Variants in TRPM3 observed in about 807,000 individuals in gnomAD.
The protein encoded by TRPM3 is transient receptor potential cation channel subfamily M member 3.
Under a neutral mutation model 181.2 loss-of-function variants are expected in TRPM3, and 77 were observed. The ratio of observed to expected loss-of-function variants is 0.42; its 90% CI spans 0.35 to 0.51. TRPM3 has a LOEUF of 0.51. Ranked by LOEUF, TRPM3 falls within the 20% of genes least tolerant of loss-of-function variation. The pLI, the probability that TRPM3 is intolerant of heterozygous loss-of-function variation, is 0.01. For missense variants in TRPM3, 1,759 were observed against 2,196.7 expected, an observed-to-expected ratio of 0.80 and a Z score of 3.98; for synonymous variants, 745 against 796.4, an observed-to-expected ratio of 0.94 and a Z score of 1.09.
At chr9:71,186,010 C>G (rs1181348366) in intron 1 of TRPM3, among the ~76,000 whole-genome samples, 2 of 152,014 alleles carry the variant, frequency 1.3e-5, no homozygotes, top group African/African-American at 4.8e-5. Context: ...TTCTTTGCCT[C>G]TTCCTAGCAT....
At chr9:70,888,362 G>GGGGTGTGTGT (rs753777667) in intron 1 of TRPM3, among the ~76,000 whole-genome samples, 1 of 143,624 alleles carries the variant, frequency 7.0e-6, no homozygotes, top group African/African-American at 2.6e-5. Context: ...TTTATTTTGG[G>GGGGTGTGTGT]GTGTGTGTGT....
chr9:71,318,086 C>CA (rs1015937830), intron 1 of TRPM3, among the ~76,000 whole-genome samples: 19 of 151,448 alleles, frequency 1.3e-4, no homozygotes, highest in Admixed American at 2.6e-4. Flanking sequence ...CCTGTCTCTA[C>CA]AAAAAACAAA....
chr9:71,384,597 C>T lies in TRPM3; in HGVS notation c.183+62056G>A, dbSNP rs573926676. The stretch of plus-strand genomic sequence containing the variant: ...TGCCATGGAAACTGCCAGTCACTCA[C>T]ATTTCTATTCTTTGATGCTCCCATA... On this transcript the variant is annotated intron_variant, in intron 1 of 24. Transcript: ENST00000357533. Among the ~76,000 whole-genome samples the T allele has an allele frequency of 9.7e-4, 148 of 152,312 alleles. 2 individuals are homozygous for T. The highest frequency in any genetic ancestry group is 6.0e-3 in the South Asian group (29 of 4,824).
intron 8 of TRPM3, among the ~76,000 whole-genome samples, chr9:70,691,712 C>A (rs2068621052): frequency 1.3e-5 from 2 of 152,264 alleles, no homozygotes; most frequent in South Asian, 4.1e-4. Flanking sequence ...AAAATCATTT[C>A]TTTTTTCTTA....
Position 70,625,620 on chromosome 9 carries a change from C to G in TRPM3, c.1633-103G>C, listed in dbSNP as rs2064439051. ...GTCTTCAGCTGGGGAGAAAAAAACA[C>G]CAGTGTAGAAGAAAGAAACACAAGG... On this transcript the variant is annotated intron_variant, in intron 12 of 25. Coordinates refer to ENST00000677713, the MANE Select transcript of TRPM3 (RefSeq NM_001366145.2). The surrounding 1 kb of genome is among the most constrained non-coding windows in gnomAD (Gnocchi z 4.8). The G allele has an allele frequency of 2.5e-6, 3 of 1,190,770 alleles. No individual in the cohort carries two copies. Among genetic ancestry groups the G allele is most frequent in the Non-Finnish European group, 3.6e-6 (3 of 822,432 alleles). The allele number at this position is 1,190,770 out of a possible 1,614,324, so 73.8% of individuals were successfully genotyped here. A position where few individuals can be genotyped will look rare whatever the true frequency, so the allele number is the denominator to read the frequency against.
At chr9:70,547,870 C>G (rs2045439315) in intron 25 of TRPM3, among the ~76,000 whole-genome samples, 1 of 152,168 alleles carries the variant, frequency 6.6e-6, no homozygotes, top group African/African-American at 2.4e-5. Flanking sequence ...GGCATGGGGC[C>G]AGAGGCTCAA....
chr9:71,355,249 T>G (rs537673547), intron 1 of TRPM3, among the ~76,000 whole-genome samples: 1 of 152,242 alleles, frequency 6.6e-6, no homozygotes, highest in South Asian at 2.1e-4. Flanking sequence ...TTGGAAAAAG[T>G]TTTTTACAGA....
At chr9:70,610,793 G>A (rs1411371918) in intron 18 of TRPM3, 44 bp from the exon 19 acceptor site, 2 of 1,607,366 alleles carry the variant, frequency 1.2e-6, no homozygotes, top group South Asian at 1.1e-5. Context: ...GGGCTCTGGA[G>A]AGCATGTTGT....
chr9:70,935,039 C>G (rs575266173), intron 1 of TRPM3, among the ~76,000 whole-genome samples: 11 of 152,210 alleles, frequency 7.2e-5, no homozygotes, highest in African/African-American at 2.4e-4. Context: ...CAACACTAAC[C>G]CACTTCCCAG....
At chr9:70,936,682 C>A (rs2096831559) in intron 1 of TRPM3, among the ~76,000 whole-genome samples, 1 of 152,138 alleles carries the variant, frequency 6.6e-6, no homozygotes, top group Admixed American at 6.5e-5. Flanking sequence ...TTCACATAAG[C>A]CGCCTCTGCC....
intron 6 of TRPM3, chr9:70,793,476 A>T (rs2086124750): frequency 7.3e-6 from 1 of 137,566 alleles, no homozygotes; most frequent in Non-Finnish European, 1.5e-5. Flanking sequence ...AAAAATATAT[A>T]TATATATATA....
chr9:71,098,396 A>C (rs1688701443), intron 1 of TRPM3, among the ~76,000 whole-genome samples: 1 of 152,198 alleles, frequency 6.6e-6, no homozygotes, highest in African/African-American at 2.4e-5. Flanking sequence ...ATGTGTGTGG[A>C]AACAGAGCAA....
At chr9:71,180,227 G>A (rs551704649) in intron 1 of TRPM3, among the ~76,000 whole-genome samples, 5 of 151,712 alleles carry the variant, frequency 3.3e-5, no homozygotes, top group African/African-American at 1.2e-4. Context: ...GCTAATTTTT[G>A]TATTTTTAAT....
chr9:71,121,453 T>G lies in TRPM3; in HGVS notation c.-99A>C. Reference sequence around the variant, plus strand: ...GCCTTGCCTGAGCCCCTGAACCTTCTTAAAACAGCCACCTCCCCTCTCTCT... The same window carrying G: ...GCCTTGCCTGAGCCCCTGAACCTTCGTAAAACAGCCACCTCCCCTCTCTCT... On this transcript the variant is annotated 5_prime_UTR_variant, in exon 1 of 26. Coordinates refer to ENST00000677713, the MANE Select transcript of TRPM3 (RefSeq NM_001366145.2). 1 of 1,473,024 alleles carries G rather than the reference T, an allele frequency of 6.8e-7. No homozygotes were observed. The highest frequency in any genetic ancestry group is 9.0e-7 in the Non-Finnish European group (1 of 1,116,242). 91.2% of individuals were successfully genotyped at this position (1,473,024 alleles called of 1,614,324 possible).
chr9:70,573,779 A>C (rs951745366), intron 22 of TRPM3, among the ~76,000 whole-genome samples: 2 of 152,122 alleles, frequency 1.3e-5, no homozygotes, highest in African/African-American at 4.8e-5. Flanking sequence ...TTCAGGTCTA[A>C]TCACTTCATC....
intron 25 of TRPM3, among the ~76,000 whole-genome samples, chr9:70,549,225 T>A (rs778642770): frequency 6.6e-6 from 1 of 152,144 alleles, no homozygotes; most frequent in Non-Finnish European, 1.5e-5. Flanking sequence ...TGAGTCTCAT[T>A]TGGTTTTTGC....
At chr9:71,046,221 G>T (rs551615227) in intron 1 of TRPM3, among the ~76,000 whole-genome samples, 13 of 151,986 alleles carry the variant, frequency 8.6e-5, no homozygotes, top group African/African-American at 3.1e-4. Context: ...TCCTAACCTC[G>T]TGATCCACCA....
At chr9:70,773,356 A>G (rs751240333) in intron 7 of TRPM3, among the ~76,000 whole-genome samples, 1 of 152,162 alleles carries the variant, frequency 6.6e-6, no homozygotes, top group African/African-American at 2.4e-5. Context: ...TAAAATAGGG[A>G]TAATAATTAT....
At chr9:71,307,971 TTTC>T (rs1299051184) in intron 1 of TRPM3, among the ~76,000 whole-genome samples, 8 of 151,338 alleles carry the variant, frequency 5.3e-5, no homozygotes, top group Non-Finnish European at 1.2e-4. Flanking sequence ...TCTTTCTTTC[TTTC>T]TTTTTTTTTT....
Sources: gnomAD v4.1 joint callset for allele counts (sites outside exome capture counted in the v4.1 genomes callset) on GRCh38, gnomAD v4.1.1 for gene constraint, Gnocchi (gnomAD v3.1) non-coding constraint, MANE v1.5 for transcripts, NCBI Gene and HGNC (gene_info 2026-07-23, HGNC 2026-07-21) for gene names.